Variants in DCAF10 observed in about 807,000 individuals in gnomAD.
DCAF10 encodes the protein DDB1- and CUL4-associated factor 10.
In DCAF10, 19 loss-of-function variants were observed where a neutral mutation model predicts 51.9. The observed-to-expected ratio is 0.37, with a 90% CI of 0.26 to 0.54. The LOEUF (loss-of-function observed/expected upper bound fraction) is 0.54, where lower values mean the gene tolerates loss of function less well. Ranked by LOEUF, DCAF10 falls within the 20% of genes least tolerant of loss-of-function variation. DCAF10 has a pLI of 0.87. For missense variants in DCAF10, 510 were observed against 730.6 expected, an observed-to-expected ratio of 0.70 and a Z score of 3.48; for synonymous variants, 291 against 297.1, an observed-to-expected ratio of 0.98 and a Z score of 0.21.
intron 3 of DCAF10, among the ~76,000 whole-genome samples, chr9:37,851,390 G>A (rs7023822): frequency 0.19 from 29,110 of 151,828 alleles, 3,187 homozygotes; most frequent in African/African-American, 0.29. Context: ...TATGTTGCCC[G>A]TGTTGGTCTC....
intron 2 of DCAF10, among the ~76,000 whole-genome samples, chr9:37,823,102 T>C (rs1829754283): frequency 6.6e-6 from 1 of 152,058 alleles, no homozygotes; most frequent in Non-Finnish European, 1.5e-5. Flanking sequence ...ACAGAACACA[T>C]AAAAAAGGTT....
chr9:37,812,390 GAAAGAGAT>G (rs935171107), intron 1 of DCAF10, among the ~76,000 whole-genome samples: 85 of 152,230 alleles, frequency 5.6e-4, no homozygotes, highest in African/African-American at 2.0e-3. Flanking sequence ...GCAGCTAGAG[GAAAGAGAT>G]AGATTACTTT....
chr9:37,832,301 T>C (rs1830031850), intron 2 of DCAF10, among the ~76,000 whole-genome samples: 1 of 138,364 alleles, frequency 7.2e-6, no homozygotes, highest in South Asian at 2.3e-4. Flanking sequence ...CTACTAAAAA[T>C]ACAAAAATTA....
At position 37,866,888 on chromosome 9, in the gene DCAF10, A is replaced by G. The variant is rs578060857; in HGVS notation, c.*5380A>G. ...GGGTCTATCATGCTTTTAAGAAAAA[A>G]GAAGAGTACAGGAAAAAAATTCAGA... On this transcript the variant is annotated 3_prime_UTR_variant, in exon 7 of 7. Coordinates refer to ENST00000377724, the MANE Select transcript of DCAF10 (RefSeq NM_024345.5). The G allele has an allele frequency of 6.5e-6, 1 of 152,734 alleles. No homozygotes were observed. Among genetic ancestry groups the G allele is most frequent in the East Asian group, 1.9e-4 (1 of 5,192 alleles). The allele number at this position is 152,734 out of a possible 1,614,324, so 9.5% of individuals were successfully genotyped here. A position where few individuals can be genotyped will look rare whatever the true frequency, so the allele number is the denominator to read the frequency against.
chr9:37,846,298 TAAAAAC>T (rs1830469566), intron 3 of DCAF10, among the ~76,000 whole-genome samples: 1 of 152,076 alleles, frequency 6.6e-6, no homozygotes, highest in African/African-American at 2.4e-5. Flanking sequence ...TAGTCATAAT[TAAAAAC>T]AAAAGAGAGG....
rs773769499 is a variant in DCAF10 at position 37,842,298 on chromosome 9, G to T, written c.851+12G>T. The T allele has an allele frequency of 6.2e-7, 1 of 1,609,412 alleles. No individual in the cohort carries two copies. Among genetic ancestry groups the T allele is most frequent in the Non-Finnish European group, 8.5e-7 (1 of 1,177,858 alleles). On this transcript the variant is annotated intron_variant, in intron 3 of 6. Coordinates refer to ENST00000377724, the MANE Select transcript of DCAF10 (RefSeq NM_024345.5). Reference sequence around the variant, plus strand: ...TGGGACACTAACAGGTTTGTGAATAGGAGACCATGTTAGGATTATGAACAA... The same window carrying T: ...TGGGACACTAACAGGTTTGTGAATATGAGACCATGTTAGGATTATGAACAA...
chr9:37,836,360 G>C, intron 2 of DCAF10: 1 of 1,610,832 alleles, frequency 6.2e-7, no homozygotes, highest in Non-Finnish European at 8.5e-7. Context: ...AGCCAATCTG[G>C]GAAACACTAT....
chr9:37,815,368 G>A, intron 1 of DCAF10, among the ~76,000 whole-genome samples: 1 of 152,192 alleles, frequency 6.6e-6, no homozygotes, highest in East Asian at 1.9e-4. Context: ...GAACAGTCTG[G>A]GCATGGTGGC....
At position 37,800,834 on chromosome 9, in the gene DCAF10, A is replaced by T; in HGVS notation, c.-33A>T. The T allele has an allele frequency of 6.7e-7, 1 of 1,486,294 alleles. No homozygotes were observed. Among genetic ancestry groups the T allele is most frequent in the Non-Finnish European group, 8.9e-7 (1 of 1,124,732 alleles). 92.1% of individuals were successfully genotyped at this position (1,486,294 alleles called of 1,614,324 possible). ...GCACTGAGGTGTCGGCCGGCGGGGC[A>T]GTGGCCCGGAGCGGGGGGCGGGGGC... On this transcript the variant is annotated 5_prime_UTR_variant, in exon 1 of 7. Transcript: ENST00000377724.
Position 37,801,033 on chromosome 9 carries a change from G to T in DCAF10, c.167G>T (p.Arg56Leu). 2 of 1,537,002 alleles carry T rather than the reference G, an allele frequency of 1.3e-6. No homozygotes were observed. The highest frequency in any genetic ancestry group is 1.7e-6 in the Non-Finnish European group (2 of 1,151,438). Residue 56 changes from arginine (R) to leucine (L), a missense_variant, in exon 1 of 7, where the codon CGC (arginine) becomes CTC (leucine). By Grantham distance (102) the Arg-to-Leu change is moderately radical (BLOSUM62 -2). This residue lies in a region of DCAF10 where 251 missense variants were observed against 227.9 expected (regional missense o/e 1.10). Coordinates refer to ENST00000377724, the MANE Select transcript of DCAF10 (RefSeq NM_024345.5). This position sits in a 1 kb window ranked among gnomAD's most constrained non-coding sequence, Gnocchi z 5.5. ...HPPPPARSPRRPGAPSLSPAP... is the reference protein window; with the variant it reads ...HPPPPARSPRLPGAPSLSPAP... ...CCTCCACCCGCCCGAAGCCCTCGCC[G>T]CCCCGGCGCCCCATCGCTGTCCCCG...
rs373032176 is a variant in DCAF10, at chr9:37,800,968, G to A, written c.102G>A (p.Pro34=). The change falls in exon 1 of 7, where the codon CCG becomes CCA. Residue 34 remains proline (P), a synonymous_variant. Coordinates refer to ENST00000377724, the MANE Select transcript of DCAF10 (RefSeq NM_024345.5). ...PHEGQAAATG[P]PSPLHPGADA... ...AGGGGCAGGCAGCAGCCACCGGGCC[G>A]CCCTCGCCACTACATCCCGGGGCTG... is the stretch of plus-strand genomic sequence containing the variant. 16 of 1,512,036 alleles carry A rather than the reference G, an allele frequency of 1.1e-5. No homozygotes were observed. Among genetic ancestry groups the A allele is most frequent in the African/African-American group, 1.4e-5 (1 of 70,604 alleles). 93.7% of individuals were successfully genotyped at this position (1,512,036 alleles called of 1,614,324 possible).
rs972507463 is a variant in DCAF10, at chr9:37,861,973, G to A, written c.*465G>A. The stretch of plus-strand genomic sequence containing the variant: ...CTAGAAGTTGGATATTGGCATATTG[G>A]TTGTTGAAAAATAAATTTCATCCTC... On this transcript the variant is annotated 3_prime_UTR_variant, in exon 7 of 7. Transcript: ENST00000377724. This position sits in a 1 kb window ranked among gnomAD's most constrained non-coding sequence, Gnocchi z 4.9. 2 of 157,886 alleles carry A rather than the reference G, an allele frequency of 1.3e-5. No homozygotes were observed. The highest frequency in any genetic ancestry group is 4.8e-5 in the African/African-American group (2 of 41,484). The allele number at this position is 157,886 out of a possible 1,614,324, so 9.8% of individuals were successfully genotyped here.
chr9:37,856,343 T>C (rs1239388243), intron 4 of DCAF10, among the ~76,000 whole-genome samples: 1 of 152,180 alleles, frequency 6.6e-6, no homozygotes, highest in East Asian at 1.9e-4. Context: ...GTATAATCCT[T>C]TGAGATTCAA....
intron 1 of DCAF10, among the ~76,000 whole-genome samples, chr9:37,803,073 G>A (rs1288702451): frequency 6.6e-6 from 1 of 152,136 alleles, no homozygotes; most frequent in Non-Finnish European, 1.5e-5. Context: ...TTTGAATCTA[G>A]AATGTATTTT....
chr9:37,834,766 T>C (rs1340521893), intron 2 of DCAF10, among the ~76,000 whole-genome samples: 3 of 152,154 alleles, frequency 2.0e-5, no homozygotes, highest in African/African-American at 7.2e-5. Context: ...AGAAAATATT[T>C]TTTGTACGTA....
chr9:37,851,679 C>T (rs190532069), intron 3 of DCAF10, among the ~76,000 whole-genome samples: 25 of 151,380 alleles, frequency 1.7e-4, no homozygotes, highest in South Asian at 6.2e-4. Flanking sequence ...CTTGTAATCC[C>T]GGTTACTCGG....
chr9:37,843,214 G>C (rs936854426), intron 3 of DCAF10, among the ~76,000 whole-genome samples: 1 of 151,864 alleles, frequency 6.6e-6, no homozygotes, highest in East Asian at 1.9e-4. Context: ...ACGGGGTCTC[G>C]CTATGCTGCC....
At chr9:37,825,708 T>C (rs1383277552) in intron 2 of DCAF10, among the ~76,000 whole-genome samples, 1 of 152,128 alleles carries the variant, frequency 6.6e-6, no homozygotes, top group Non-Finnish European at 1.5e-5. Context: ...CCTACACATG[T>C]ACCCCTGAAC....
At chr9:37,807,835 T>C (rs1183664934) in intron 1 of DCAF10, among the ~76,000 whole-genome samples, 1 of 151,996 alleles carries the variant, frequency 6.6e-6, no homozygotes, top group Non-Finnish European at 1.5e-5. Context: ...GCTAATTTTG[T>C]ATTTTTAGTA....
Sources: gnomAD v4.1 joint callset for allele counts (sites outside exome capture counted in the v4.1 genomes callset) on GRCh38, gnomAD v4.1.1 for gene constraint, gnomAD v4.1.1 regional missense constraint, Gnocchi (gnomAD v3.1) non-coding constraint, MANE v1.5 for transcripts, NCBI Gene and HGNC (gene_info 2026-07-23, HGNC 2026-07-21) for gene names.